GPC5: variants seen among roughly 807,000 people sequenced by gnomAD.
The protein encoded by GPC5 is glypican 5.
In GPC5, 47 loss-of-function variants were observed where a neutral mutation model predicts 53.9. The observed-to-expected ratio is 0.87, with a 90% confidence interval of 0.69 to 1.11. The LOEUF is 1.11. Among genes scored for constraint, GPC5 ranks in the 50% most tolerant of loss-of-function variants. GPC5 has a pLI of 0.00. For synonymous variants in GPC5, 286 were observed against 263.3 expected (o/e 1.09, Z -0.84); for missense variants, 748 against 713.1 (o/e 1.05, Z -0.56).
rs149873510 is a variant in GPC5 at position 92,121,305 on chromosome 13, C to A, written c.1402-23525C>A. Among the ~76,000 whole-genome samples, 843 of 152,226 alleles carry A rather than the reference C, an allele frequency of 5.5e-3. 5 individuals are homozygous for A. Among genetic ancestry groups the A allele is most frequent in the Middle Eastern group, 0.02 (6 of 294 alleles). On this transcript the variant is annotated intron_variant, in intron 6 of 7. Transcript: ENST00000377067. ...CATTTGTGGGGGTTGGGTGAAAGTTCTGGTTCAGGTCTGCATCTCTGTTCA... is the reference window on the plus strand; with the variant it reads ...CATTTGTGGGGGTTGGGTGAAAGTTATGGTTCAGGTCTGCATCTCTGTTCA...
intron 6 of GPC5, among the ~76,000 whole-genome samples, chr13:92,122,421 C>A (rs755415216): frequency 1.3e-5 from 2 of 151,852 alleles, no homozygotes; most frequent in African/African-American, 2.4e-5. Context: ...GGTGTGAACA[C>A]GTAGCTCCGA....
At chr13:92,065,622 A>T (rs1290923130) in intron 6 of GPC5, among the ~76,000 whole-genome samples, 1 of 152,142 alleles carries the variant, frequency 6.6e-6, no homozygotes, top group Non-Finnish European at 1.5e-5. Context: ...GGATGTTTTG[A>T]CTCCTAAAAG....
chr13:92,663,903 T>TATATATAC (rs1886478093), intron 7 of GPC5, among the ~76,000 whole-genome samples: 1 of 83,176 alleles, frequency 1.2e-5, no homozygotes, highest in African/African-American at 5.2e-5. Flanking sequence ...TATATATATA[T>TATATATAC]ACACACACAC....
chr13:92,401,177 ATTT>A (rs76161192), intron 7 of GPC5, among the ~76,000 whole-genome samples: 1 of 140,716 alleles, frequency 7.1e-6, no homozygotes. Flanking sequence ...CTAGCCATCT[ATTT>A]TTTTTTTTTT....
At chr13:92,707,060 C>G in intron 7 of GPC5, among the ~76,000 whole-genome samples, 1 of 152,108 alleles carries the variant, frequency 6.6e-6, no homozygotes, top group South Asian at 2.1e-4. Context: ...ATAACCTGAC[C>G]ATGGTGGCAC....
chr13:91,803,428 C>T (rs1566272266), intron 5 of GPC5, among the ~76,000 whole-genome samples: 5 of 151,964 alleles, frequency 3.3e-5, no homozygotes, highest in Admixed American at 1.3e-4. Context: ...TTTGATTTTA[C>T]ACACACACAG....
At chr13:92,126,057 T>C (rs1594773557) in intron 6 of GPC5, among the ~76,000 whole-genome samples, 1 of 145,244 alleles carries the variant, frequency 6.9e-6, no homozygotes, top group South Asian at 2.3e-4. Flanking sequence ...TGGGTTGGAG[T>C]GATTCTCCTG....
chr13:92,512,972 A>G (rs971796545), intron 7 of GPC5, among the ~76,000 whole-genome samples: 2 of 152,208 alleles, frequency 1.3e-5, no homozygotes, highest in Non-Finnish European at 2.9e-5. Flanking sequence ...GTTGTCACAG[A>G]GTTCCTGGAT....
rs1432889949 is a variant in GPC5 at position 91,865,360 on chromosome 13, A to G, written c.1281-42577A>G. Among the ~76,000 whole-genome samples the G allele has an allele frequency of 2.0e-5, 3 of 152,096 alleles. No individual in the cohort carries two copies. The East Asian group carries it at 5.8e-4, about 29-fold the overall frequency. On this transcript the variant is annotated intron_variant, in intron 5 of 7. Transcript: ENST00000377067. The stretch of plus-strand genomic sequence containing the variant: ...AAAAATGTATCTCGTGTACAAATAA[A>G]TACTATGAATTAAAAATAATAATAA...
chr13:92,159,821 C>A (rs2041973861), intron 7 of GPC5, among the ~76,000 whole-genome samples: 1 of 151,782 alleles, frequency 6.6e-6, no homozygotes, highest in African/African-American at 2.4e-5. Context: ...CCAGGATAGT[C>A]TCGATCTCCT....
chr13:91,494,261 A>T (rs1211953562), intron 2 of GPC5, among the ~76,000 whole-genome samples: 3 of 151,586 alleles, frequency 2.0e-5, no homozygotes, highest in Admixed American at 2.0e-4. Flanking sequence ...TTTTGTACAC[A>T]AGATCTATCT....
chr13:91,788,737 G>A (rs556616059), intron 5 of GPC5, among the ~76,000 whole-genome samples: 2 of 152,290 alleles, frequency 1.3e-5, no homozygotes, highest in South Asian at 4.1e-4. Flanking sequence ...AAATTGTTAA[G>A]TGTATAAATA....
At chr13:91,652,937 A>G (rs2034752808) in intron 2 of GPC5, among the ~76,000 whole-genome samples, 1 of 152,200 alleles carries the variant, frequency 6.6e-6, no homozygotes, top group Non-Finnish European at 1.5e-5. Context: ...GCTAAAGAAT[A>G]TTATCTCAAA....
intron 7 of GPC5, among the ~76,000 whole-genome samples, chr13:92,527,229 G>GAA (rs751387761): frequency 2.4e-4 from 9 of 37,986 alleles, no homozygotes; most frequent in South Asian, 2.3e-3. Context: ...AAGAAAGAAA[G>GAA]AAAGAAAGAA....
chr13:91,666,712 G>A (rs2035122065), intron 2 of GPC5, among the ~76,000 whole-genome samples: 1 of 151,848 alleles, frequency 6.6e-6, no homozygotes, highest in Non-Finnish European at 1.5e-5. Context: ...AAGCATTGTA[G>A]CATTTTATAC....
chr13:92,592,894 T>C (rs1186388162), intron 7 of GPC5, among the ~76,000 whole-genome samples: 2 of 150,924 alleles, frequency 1.3e-5, no homozygotes, highest in Non-Finnish European at 3.0e-5. Flanking sequence ...GTGGCCCTCA[T>C]GCGTGCCCCT....
At chr13:92,671,388 C>A (rs185263764) in intron 7 of GPC5, among the ~76,000 whole-genome samples, 1 of 152,324 alleles carries the variant, frequency 6.6e-6, no homozygotes, top group South Asian at 2.1e-4. Flanking sequence ...AAATCCTCTG[C>A]GCTTTCAATT....
intron 7 of GPC5, among the ~76,000 whole-genome samples, chr13:92,760,014 TTGAC>T (rs78433557): frequency 6.6e-6 from 1 of 152,096 alleles, no homozygotes; most frequent in East Asian, 1.9e-4. Context: ...ATGTATAACA[TTGAC>T]TGATTTGCAC....
chr13:92,848,922 G>A (rs927612808), intron 7 of GPC5, among the ~76,000 whole-genome samples: 2 of 152,078 alleles, frequency 1.3e-5, no homozygotes, highest in Non-Finnish European at 2.9e-5. Context: ...CCAGGAGATG[G>A]AGTGCAAGCA....
Sources: allele counts gnomAD v4.1 joint callset (sites outside exome capture counted in the v4.1 genomes callset), GRCh38; gene constraint gnomAD v4.1.1; transcripts MANE v1.5; gene names NCBI Gene and HGNC (gene_info 2026-07-23, HGNC 2026-07-21).